NHSL1: variants seen among roughly 807,000 people sequenced by gnomAD.
The protein encoded by NHSL1 is NHS-like protein 1.
Under a neutral mutation model 95.0 loss-of-function variants are expected in NHSL1, and 48 were observed. That is an observed-to-expected ratio of 0.51 (90% CI 0.40 to 0.64). NHSL1 has a LOEUF of 0.64. NHSL1 is among the 30% of genes least tolerant of loss of function. The pLI is 0.00. For missense variants in NHSL1, 1,971 were observed against 2,077.7 expected (o/e 0.95, Z 1.00); for synonymous variants, 783 against 833.9 (o/e 0.94, Z 1.05).
intron 1 of NHSL1, among the ~76,000 whole-genome samples, chr6:138,551,151 A>G (rs1255472655): frequency 6.6e-6 from 1 of 152,230 alleles, no homozygotes; most frequent in African/African-American, 2.4e-5. Flanking sequence ...ACTGTGCCTA[A>G]TTCATAAACT....
chr6:138,541,392 T>C (rs1221117760), intron 1 of NHSL1, among the ~76,000 whole-genome samples: 3 of 152,122 alleles, frequency 2.0e-5, no homozygotes, highest in Non-Finnish European at 2.9e-5. Flanking sequence ...AAAAGCAACA[T>C]CATTTAAAAA....
intron 1 of NHSL1, among the ~76,000 whole-genome samples, chr6:138,585,811 C>T (rs1432422128): frequency 6.6e-6 from 1 of 151,416 alleles, no homozygotes; most frequent in East Asian, 1.9e-4. Flanking sequence ...CTTTGGGAGG[C>T]TGAGGTGGGA....
chr6:138,479,429 C>T (rs1242927970), intron 2 of NHSL1, among the ~76,000 whole-genome samples: 2 of 152,176 alleles, frequency 1.3e-5, no homozygotes, highest in African/African-American at 4.8e-5. Flanking sequence ...AATACAAGCA[C>T]TGAGATGCTG....
chr6:138,625,902 C>G (rs769249735), intron 1 of NHSL1, among the ~76,000 whole-genome samples: 2 of 152,136 alleles, frequency 1.3e-5, no homozygotes. Context: ...TTAGGACTCT[C>G]GAAGTGCTGG....
At chr6:138,560,854 A>G (rs184550265) in intron 1 of NHSL1, among the ~76,000 whole-genome samples, 7 of 152,378 alleles carry the variant, frequency 4.6e-5, no homozygotes, top group Non-Finnish European at 8.8e-5. Flanking sequence ...AGGCGTTTCT[A>G]GTTACAAAGT....
chr6:138,595,632 C>G (rs1460708128), intron 1 of NHSL1, among the ~76,000 whole-genome samples: 1 of 152,166 alleles, frequency 6.6e-6, no homozygotes, highest in East Asian at 1.9e-4. Flanking sequence ...TCAATAACTT[C>G]AATATCATAG....
chr6:138,590,809 T>C (rs1784213310), intron 1 of NHSL1, among the ~76,000 whole-genome samples: 1 of 152,190 alleles, frequency 6.6e-6, no homozygotes, highest in South Asian at 2.1e-4. Context: ...CCATCAGTGA[T>C]AATCAGTTCC....
intron 3 of NHSL1, among the ~76,000 whole-genome samples, chr6:138,456,589 T>C (rs888814859): frequency 2.6e-5 from 4 of 152,230 alleles, no homozygotes; most frequent in South Asian, 2.1e-4. Context: ...TAACTCATGA[T>C]TGATATCCTT....
intron 1 of NHSL1, among the ~76,000 whole-genome samples, chr6:138,683,206 G>A (rs1197997760): frequency 6.6e-6 from 1 of 152,196 alleles, no homozygotes; most frequent in African/African-American, 2.4e-5. Context: ...ACTGCTCTCG[G>A]GAGCCACATA....
intron 1 of NHSL1, among the ~76,000 whole-genome samples, chr6:138,559,640 C>T (rs1294755880): frequency 6.6e-6 from 1 of 152,118 alleles, no homozygotes; most frequent in Non-Finnish European, 1.5e-5. Context: ...TCCATCATAG[C>T]TTGTAACTTC....
Position 138,692,362 on chromosome 6 carries a change from A to ATCGCGGGGCT in NHSL1, c.96+104_96+113dup. ...GGCAGTCCCCACTGGAGACCCCGAC[A>ATCGCGGGGCT]TCGCGGGGCTCCGCGGCCCCCGCGC... On this transcript the variant is annotated intron_variant, in intron 1 of 3. Coordinates refer to the NHSL1 transcript ENST00000491526. The surrounding 1 kb of genome is among the most constrained non-coding windows in gnomAD (Gnocchi z 4.0). The ATCGCGGGGCT allele has an allele frequency of 3.2e-6, 1 of 315,160 alleles. No individual in the cohort carries two copies. Among genetic ancestry groups the ATCGCGGGGCT allele is most frequent in the Non-Finnish European group, 6.2e-6 (1 of 160,214 alleles). 19.5% of individuals were successfully genotyped at this position (315,160 alleles called of 1,614,324 possible). A position where few individuals can be genotyped will look rare whatever the true frequency, so the allele number is the denominator to read the frequency against.
intron 1 of NHSL1, among the ~76,000 whole-genome samples, chr6:138,657,947 A>C (rs1159829435): frequency 1.3e-5 from 2 of 151,682 alleles, no homozygotes; most frequent in East Asian, 3.9e-4. Flanking sequence ...AAAAGAAAAA[A>C]CTGAACATAT....
At chr6:138,492,040 C>T (rs576803087) in intron 2 of NHSL1, among the ~76,000 whole-genome samples, 17 of 152,310 alleles carry the variant, frequency 1.1e-4, no homozygotes, top group African/African-American at 3.6e-4. Flanking sequence ...AAAATCAAGA[C>T]ATTTAATCTA....
intron 5 of NHSL1, among the ~76,000 whole-genome samples, chr6:138,439,916 T>C (rs1307728741): frequency 1.3e-5 from 2 of 152,220 alleles, no homozygotes; most frequent in Admixed American, 6.5e-5. Flanking sequence ...ATATGATTTA[T>C]CTAGCTGGCC....
chr6:138,542,567 G>A (rs988607311), intron 1 of NHSL1, among the ~76,000 whole-genome samples: 1 of 152,188 alleles, frequency 6.6e-6, no homozygotes, highest in Non-Finnish European at 1.5e-5. Flanking sequence ...CAAAACATCA[G>A]TCTGTAATGG....
At position 138,437,371 on chromosome 6, in the gene NHSL1, T is replaced by C. The variant is rs1370871556; in HGVS notation, c.665-3691A>G. Among the ~76,000 whole-genome samples the C allele has an allele frequency of 1.7e-3, 177 of 104,352 alleles. 9 individuals carry two copies. The highest frequency in any genetic ancestry group is 4.0e-3 in the African/African-American group (87 of 22,006). The allele number at this position is 104,352 out of a possible 152,430, so 68.5% of individuals were successfully genotyped here. On this transcript the variant is annotated intron_variant, in intron 5 of 7. Coordinates refer to ENST00000343505, the MANE Select transcript of NHSL1 (RefSeq NM_001144060.2). Reference sequence around the variant, plus strand: ...ATATATATATACACATATATATATATACACATATATATATACACATATATA... The same window carrying C: ...ATATATATATACACATATATATATACACACATATATATATACACATATATA...
At chr6:138,603,048 T>C (rs988985906) in intron 1 of NHSL1, among the ~76,000 whole-genome samples, 2 of 152,212 alleles carry the variant, frequency 1.3e-5, no homozygotes, top group Admixed American at 6.5e-5. Flanking sequence ...ACATTGTTGT[T>C]TGCTGGTTTT....
At chr6:138,676,168 G>A (rs1257486502) in intron 1 of NHSL1, among the ~76,000 whole-genome samples, 1 of 152,032 alleles carries the variant, frequency 6.6e-6, no homozygotes, top group African/African-American at 2.4e-5. Flanking sequence ...CCATTTTAGA[G>A]AACATGCTGA....
chr6:138,436,859 T>C (rs1031746982), intron 5 of NHSL1, among the ~76,000 whole-genome samples: 6 of 152,238 alleles, frequency 3.9e-5, no homozygotes, highest in Non-Finnish European at 5.9e-5. Context: ...GCCTGTGCTC[T>C]GTAAATGGAA....
Sources: gnomAD v4.1 joint callset for allele counts (sites outside exome capture counted in the v4.1 genomes callset) on GRCh38, gnomAD v4.1.1 for gene constraint, Gnocchi (gnomAD v3.1) non-coding constraint, MANE v1.5 for transcripts, NCBI Gene and HGNC (gene_info 2026-07-23, HGNC 2026-07-21) for gene names.